The following C14orf39 variants were observed in gnomAD, a reference collection of about 807,000 sequenced individuals.
C14orf39 encodes the protein chromosome 14 open reading frame 39.
Under a neutral mutation model 85.6 loss-of-function variants are expected in C14orf39, and 66 were observed. The observed-to-expected ratio is 0.77, with a 90% confidence interval of 0.63 to 0.95. C14orf39 has a LOEUF of 0.95. Among genes scored for constraint, C14orf39 ranks in the 40% least tolerant of loss-of-function variants. C14orf39 has a pLI of 0.00. For synonymous variants in C14orf39, 242 were observed against 214.0 expected (o/e 1.13, Z -1.14); for missense variants, 735 against 663.9 (o/e 1.11, Z -1.18).
At chr14:60,507,136 G>C (rs1893214418) in intron 1 of C14orf39, among the ~76,000 whole-genome samples, 1 of 152,156 alleles carries the variant, frequency 6.6e-6, no homozygotes, top group African/African-American at 2.4e-5. Context: ...TGCGCGCTAA[G>C]GGTGAGCGCC....
intron 16 of C14orf39, among the ~76,000 whole-genome samples, chr14:60,446,655 T>A (rs983309390): frequency 6.6e-6 from 1 of 152,172 alleles, no homozygotes; most frequent in African/African-American, 2.4e-5. Flanking sequence ...TCTGAAACTA[T>A]TCCAATCAAT....
intron 4 of C14orf39, among the ~76,000 whole-genome samples, chr14:60,479,829 G>A (rs1892557155): frequency 6.6e-6 from 1 of 152,034 alleles, no homozygotes; most frequent in Non-Finnish European, 1.5e-5. Flanking sequence ...GCTGCCTAAT[G>A]TTCATTCATA....
rs889011375 is a variant in C14orf39 at position 60,491,748 on chromosome 14, C to T, written c.-8-6662G>A. Among the ~76,000 whole-genome samples, 11 of 152,204 alleles carry T rather than the reference C, an allele frequency of 7.2e-5. No homozygotes were observed. Among genetic ancestry groups the T allele is most frequent in the Admixed American group, 7.2e-4 (11 of 15,286 alleles). On this transcript the variant is annotated intron_variant, in intron 2 of 5. Coordinates refer to the C14orf39 transcript ENST00000556799. This position sits in a 1 kb window ranked among gnomAD's most constrained non-coding sequence, Gnocchi z 4.5. ...GGTTTTGCCACATATCTACTCTAGC[C>T]CTCTTGCCCATTCTCTCTCCATCCT...
At chr14:60,470,538 C>T (rs1354490676) in intron 7 of C14orf39, among the ~76,000 whole-genome samples, 1 of 151,816 alleles carries the variant, frequency 6.6e-6, no homozygotes, top group Non-Finnish European at 1.5e-5. Flanking sequence ...TCCTGTTTGT[C>T]ATGCAACCTT....
intron 1 of C14orf39, among the ~76,000 whole-genome samples, 176 bp from the exon 2 acceptor site, chr14:60,485,262 GC>G (rs1256872047): frequency 4.6e-5 from 7 of 152,186 alleles, no homozygotes; most frequent in Admixed American, 1.3e-4. Context: ...CCCTTCCCGG[GC>G]CAAGCCCAAC....
intron 5 of C14orf39, among the ~76,000 whole-genome samples, chr14:60,472,910 G>C (rs1253632783): frequency 6.6e-6 from 1 of 152,120 alleles, no homozygotes; most frequent in Non-Finnish European, 1.5e-5. Flanking sequence ...AATCCTTTGG[G>C]TATATACCCA....
intron 5 of C14orf39, among the ~76,000 whole-genome samples, chr14:60,476,026 C>T (rs557925384): frequency 6.6e-6 from 1 of 152,270 alleles, no homozygotes; most frequent in African/African-American, 2.4e-5. Context: ...CAGCCCTGTG[C>T]TAGTCAGCGG....
At chr14:60,503,245 A>G (rs908760227) in intron 1 of C14orf39, among the ~76,000 whole-genome samples, 8 of 152,316 alleles carry the variant, frequency 5.3e-5, no homozygotes, top group Admixed American at 3.9e-4. Context: ...CAAAAATCCC[A>G]GAGACACATT....
intron 5 of C14orf39, among the ~76,000 whole-genome samples, chr14:60,476,079 C>A (rs938858040): frequency 6.6e-6 from 1 of 152,186 alleles, no homozygotes; most frequent in South Asian, 2.1e-4. Context: ...TATTACTAAA[C>A]TGTCCCCTTT....
In C14orf39 at chr14:60,465,927, CA is replaced by C. The variant is rs1405586711; in HGVS notation, c.972+51del. 24 of 916,402 alleles carry C rather than the reference CA, an allele frequency of 2.6e-5. No individual in the cohort carries two copies. The South Asian group carries it at 3.7e-4, about 14-fold the overall frequency. 56.8% of individuals were successfully genotyped at this position (916,402 alleles called of 1,614,324 possible). ...CTTAAGGGCAGTACATTCATTATTA[CA>C]TTTAATGCAAGCAGGTATTTAATTT... On this transcript the variant is annotated intron_variant, in intron 11 of 17. Transcript: ENST00000321731.
At chr14:60,476,880 A>G (rs1230778296) in intron 5 of C14orf39, among the ~76,000 whole-genome samples, 1 of 152,112 alleles carries the variant, frequency 6.6e-6, no homozygotes, top group Admixed American at 6.6e-5. Context: ...TTTTAAATGA[A>G]TATTATGAAT....
At chr14:60,486,317 G>GT (rs959874453), upstream of C14orf39, among the ~76,000 whole-genome samples, 25 of 152,194 alleles carry the variant, frequency 1.6e-4, no homozygotes, top group Non-Finnish European at 3.4e-4. Flanking sequence ...GAAGACAAGT[G>GT]TTTTTTAAAG....
intron 1 of C14orf39, among the ~76,000 whole-genome samples, chr14:60,507,825 G>A (rs371215057): frequency 7.3e-4 from 111 of 152,276 alleles, no homozygotes; most frequent in Non-Finnish European, 1.1e-3. Context: ...CCTGATTTCT[G>A]TCTAGGGATG....
chr14:60,510,037 G>T, intron 1 of C14orf39: 3 of 1,396,126 alleles, frequency 2.1e-6, no homozygotes, highest in Non-Finnish European at 3.0e-6. Context: ...CACCTCTGGC[G>T]CCCTTACCCA....
intron 1 of C14orf39, among the ~76,000 whole-genome samples, chr14:60,508,012 TCACTC>T (rs1269316381): frequency 8.5e-5 from 13 of 152,150 alleles, no homozygotes; most frequent in Admixed American, 8.5e-4. Context: ...AGTTGCCAAT[TCACTC>T]CACTAGCCCA....
chr14:60,489,613 A>G (rs982162727), upstream of C14orf39, among the ~76,000 whole-genome samples: 2 of 152,120 alleles, frequency 1.3e-5, no homozygotes, highest in Non-Finnish European at 2.9e-5. Context: ...TCTTACCTAA[A>G]GCCAATTCCT....
chr14:60,444,382 C>T (rs1198979195), intron 16 of C14orf39, among the ~76,000 whole-genome samples: 1 of 152,024 alleles, frequency 6.6e-6, no homozygotes, highest in Non-Finnish European at 1.5e-5. Context: ...AAAACCATGG[C>T]ACAAGAACTT....
chr14:60,447,715 A>C (rs563187737), intron 16 of C14orf39, among the ~76,000 whole-genome samples: 1 of 152,102 alleles, frequency 6.6e-6, no homozygotes, highest in Non-Finnish European at 1.5e-5. Context: ...TATGGAACCC[A>C]AAAAAAGCCC....
rs549074048 is a variant in C14orf39, at chr14:60,448,352, A to C, written c.1504-6221T>G. Reference sequence around the variant, plus strand: ...GAACTTAAACAAATTTATAAGAAAAAAAATAAAAAAGTGGGCAAAGGATAT... The same window carrying C: ...GAACTTAAACAAATTTATAAGAAAACAAATAAAAAAGTGGGCAAAGGATAT... On this transcript the variant is annotated intron_variant, in intron 16 of 17. Transcript: ENST00000321731. 2.0e-5 allele frequency among the ~76,000 whole-genome samples: 3 copies of C among 151,220 alleles called. No individual in the cohort carries two copies. The South Asian group carries it at 6.2e-4, about 31-fold the overall frequency.
Sources: gnomAD v4.1 joint callset for allele counts (sites outside exome capture counted in the v4.1 genomes callset) on GRCh38, gnomAD v4.1.1 for gene constraint, Gnocchi (gnomAD v3.1) non-coding constraint, MANE v1.5 for transcripts, NCBI Gene and HGNC (gene_info 2026-07-23, HGNC 2026-07-21) for gene names.